VWA8: variants seen among roughly 807,000 people sequenced by gnomAD.
The protein encoded by VWA8 is von Willebrand factor A domain-containing protein 8.
A neutral mutation model predicts 241.5 loss-of-function variants in VWA8; 221 were observed. The observed-to-expected ratio is 0.91, with a 90% confidence interval of 0.82 to 1.02. The LOEUF is 1.02. Ranked by LOEUF, VWA8 falls within the 50% of genes least tolerant of loss-of-function variation. VWA8 has a pLI of 0.00. For missense variants in VWA8, 2,322 were observed against 2,328.7 expected, an observed-to-expected ratio of 1.00 and a Z score of 0.06; for synonymous variants, 852 against 827.1, an observed-to-expected ratio of 1.03 and a Z score of -0.52.
chr13:41,681,106 C>T (rs1374550504), intron 35 of VWA8, among the ~76,000 whole-genome samples: 1 of 152,188 alleles, frequency 6.6e-6, no homozygotes, highest in Admixed American at 6.6e-5. Context: ...CATTCTCCAC[C>T]ATCCCCCAGG....
intron 37 of VWA8, among the ~76,000 whole-genome samples, chr13:41,668,871 G>A (rs1251902349): frequency 6.6e-6 from 1 of 152,182 alleles, no homozygotes; most frequent in African/African-American, 2.4e-5. Context: ...GAGAATGTCA[G>A]ATAACATCTA....
rs905495679 is a variant in VWA8, at chr13:41,732,405, G to A, written c.2427-250C>T. Among the ~76,000 whole-genome samples, 3 of 151,908 alleles carry A rather than the reference G, an allele frequency of 2.0e-5. 1 individual carries two copies. The South Asian group carries it at 6.2e-4, about 31-fold the overall frequency. On this transcript the variant is annotated intron_variant, in intron 21 of 44. Coordinates refer to ENST00000379310, the MANE Select transcript of VWA8 (RefSeq NM_015058.2). ...TAGATTATCCAGATTCTTTACTTCT[G>A]TTTTTCTTTCTGGTAATATGTCTTG...
chr13:41,796,802 G>A (rs1869722339), intron 17 of VWA8, among the ~76,000 whole-genome samples: 1 of 149,632 alleles, frequency 6.7e-6, no homozygotes, highest in South Asian at 2.1e-4. Context: ...AAAAAAAAAA[G>A]TTACCTTAGG....
rs575521258 is a variant in VWA8, at chr13:41,649,213, C to A, written c.4611+21733G>T. 4.6e-5 allele frequency among the ~76,000 whole-genome samples: 7 copies of A among 152,044 alleles called. No homozygotes were observed. In the East Asian group the frequency reaches 1.4e-3, roughly 29 times the overall value. ...CAATAACAACAACAAAAACATAGGG[C>A]AGTAGATTTCTTTAAACAGATTTCA... On this transcript the variant is annotated intron_variant, in intron 37 of 44. Transcript: ENST00000379310.
intron 30 of VWA8, 22 bp downstream of exon 30, chr13:41,692,840 G>T: frequency 6.4e-7 from 1 of 1,572,966 alleles, no homozygotes; most frequent in Non-Finnish European, 8.7e-7. Flanking sequence ...GCAATTTGTG[G>T]GACAAATGTG....
chr13:41,643,468 G>A (rs1026054088), intron 37 of VWA8, among the ~76,000 whole-genome samples: 1 of 152,160 alleles, frequency 6.6e-6, no homozygotes, highest in Non-Finnish European at 1.5e-5. Flanking sequence ...GTTGTCAAAG[G>A]AATCAATAAT....
intron 20 of VWA8, among the ~76,000 whole-genome samples, chr13:41,762,976 AAAG>A (rs1381279591): frequency 6.6e-5 from 10 of 152,066 alleles, no homozygotes; most frequent in Non-Finnish European, 1.5e-4. Context: ...TGGACTTATA[AAAG>A]AAGAACGGGC....
At chr13:41,807,390 A>G (rs558562727) in intron 17 of VWA8, among the ~76,000 whole-genome samples, 6 of 152,358 alleles carry the variant, frequency 3.9e-5, no homozygotes, top group African/African-American at 1.4e-4. Flanking sequence ...ATCAAAAAAA[A>G]AGAAAACTAC....
chr13:41,765,456 G>A (rs2045772922), intron 20 of VWA8, among the ~76,000 whole-genome samples: 1 of 152,164 alleles, frequency 6.6e-6, no homozygotes, highest in Non-Finnish European at 1.5e-5. Context: ...TTCCTTTGAG[G>A]AAATGCTGAA....
chr13:41,738,570 A>C (rs532550284), intron 21 of VWA8, among the ~76,000 whole-genome samples: 384 of 152,302 alleles, frequency 2.5e-3, no homozygotes, highest in African/African-American at 8.9e-3. Context: ...ACTACCTAAA[A>C]ATTTTCTAAG....
At chr13:41,739,831 TTTTTTTTG>T (rs1566436340) in intron 21 of VWA8, among the ~76,000 whole-genome samples, 3 of 56,358 alleles carry the variant, frequency 5.3e-5, no homozygotes, top group Non-Finnish European at 3.8e-5. Flanking sequence ...TTTTTTGTTT[TTTTTTTTG>T]TTTTTTTTGT....
intron 6 of VWA8, 96 bp downstream of exon 6, chr13:41,887,101 G>T: frequency 7.3e-7 from 1 of 1,375,202 alleles, no homozygotes; most frequent in Non-Finnish European, 9.9e-7. Flanking sequence ...TACTCAGGAA[G>T]ACATTCAAAA....
At chr13:41,659,648 C>T (rs888289993) in intron 37 of VWA8, among the ~76,000 whole-genome samples, 2 of 152,170 alleles carry the variant, frequency 1.3e-5, no homozygotes, top group East Asian at 3.8e-4. Context: ...AATAGAGTAT[C>T]TTACTGATGT....
At chr13:41,904,548 G>A (rs1875612133) in intron 4 of VWA8, among the ~76,000 whole-genome samples, 1 of 152,020 alleles carries the variant, frequency 6.6e-6, no homozygotes, top group Non-Finnish European at 1.5e-5. Flanking sequence ...GTCAATTGGG[G>A]GTGGTGTGGG....
chr13:41,651,758 G>C (rs1471626207), intron 37 of VWA8, among the ~76,000 whole-genome samples: 1 of 152,050 alleles, frequency 6.6e-6, no homozygotes, highest in Non-Finnish European at 1.5e-5. Flanking sequence ...AGAAAAAGGT[G>C]GTGCAATTTG....
chr13:41,928,250 A>T (rs1436043164), intron 2 of VWA8, among the ~76,000 whole-genome samples: 1 of 152,204 alleles, frequency 6.6e-6, no homozygotes, highest in Admixed American at 6.5e-5. Context: ...AGACCAAATA[A>T]GCCTAACAGA....
chr13:41,653,854 G>A (rs1450644144), intron 37 of VWA8, among the ~76,000 whole-genome samples: 7 of 152,250 alleles, frequency 4.6e-5, no homozygotes, highest in African/African-American at 9.6e-5. Flanking sequence ...GTAGCTGGCC[G>A]TATGCAGAAG....
At chr13:41,867,989 C>T (rs1458052490) in intron 10 of VWA8, among the ~76,000 whole-genome samples, 2 of 152,116 alleles carry the variant, frequency 1.3e-5, no homozygotes, top group Non-Finnish European at 2.9e-5. Flanking sequence ...CTTTTTAAAC[C>T]GTTTCACATA....
intron 44 of VWA8, among the ~76,000 whole-genome samples, chr13:41,569,236 G>A (rs1046971418): frequency 1.3e-5 from 2 of 152,228 alleles, no homozygotes; most frequent in African/African-American, 2.4e-5. Context: ...GGGTATTATT[G>A]TGCTTTCTTA....
Sources: gnomAD v4.1 joint callset for allele counts (sites outside exome capture counted in the v4.1 genomes callset) on GRCh38, gnomAD v4.1.1 for gene constraint, MANE v1.5 for transcripts, NCBI Gene and HGNC (gene_info 2026-07-23, HGNC 2026-07-21) for gene names.